Variants in KCNH7 observed in about 807,000 individuals in gnomAD.
KCNH7 encodes the protein potassium voltage-gated channel subfamily H member 7.
A neutral mutation model predicts 120.8 loss-of-function variants in KCNH7; 49 were observed. The ratio of observed to expected loss-of-function variants is 0.41; its 90% CI spans 0.32 to 0.51. KCNH7 has a LOEUF of 0.51. Among genes scored for constraint, KCNH7 ranks in the 20% least tolerant of loss-of-function variants. KCNH7 has a pLI of 0.38. For missense variants in KCNH7, 1,097 were observed against 1,446.6 expected (o/e 0.76, Z 3.92); for synonymous variants, 547 against 516.1 (o/e 1.06, Z -0.81).
chr2:162,519,367 A>G (rs936985867), intron 3 of KCNH7, among the ~76,000 whole-genome samples: 1 of 151,880 alleles, frequency 6.6e-6, no homozygotes, highest in African/African-American at 2.4e-5. Flanking sequence ...GTTAAGTAAA[A>G]AAAGCAAGTT....
At chr2:162,425,837 G>A (rs1478638309) in intron 8 of KCNH7, among the ~76,000 whole-genome samples, 2 of 152,052 alleles carry the variant, frequency 1.3e-5, no homozygotes, top group Non-Finnish European at 2.9e-5. Flanking sequence ...CAAAATGTTA[G>A]TTTAGGTCAT....
At chr2:162,395,000 C>T (rs1286502373) in intron 11 of KCNH7, among the ~76,000 whole-genome samples, 3 of 151,776 alleles carry the variant, frequency 2.0e-5, no homozygotes, top group Non-Finnish European at 2.9e-5. Context: ...TCTACTCCCA[C>T]TTAATTAATG....
chr2:162,464,299 GCTGATATTATA>G (rs1391396722), intron 6 of KCNH7, among the ~76,000 whole-genome samples: 1 of 151,762 alleles, frequency 6.6e-6, no homozygotes, highest in African/African-American at 2.4e-5. Context: ...TTCCATTTTG[GCTGATATTATA>G]CTATATATCT....
At chr2:162,569,767 C>G (rs1233707455) in intron 2 of KCNH7, among the ~76,000 whole-genome samples, 1 of 150,578 alleles carries the variant, frequency 6.6e-6, no homozygotes, top group Admixed American at 6.7e-5. Flanking sequence ...ATCTTTATTT[C>G]TGCCTTCATT....
chr2:162,602,740 C>T (rs1038270148), intron 2 of KCNH7, among the ~76,000 whole-genome samples: 2 of 151,582 alleles, frequency 1.3e-5, no homozygotes, highest in African/African-American at 4.9e-5. Context: ...TTATATTGAA[C>T]TGTGGTTTTG....
intron 12 of KCNH7, among the ~76,000 whole-genome samples, chr2:162,385,563 A>T (rs193150955): frequency 3.0e-4 from 46 of 152,028 alleles, no homozygotes; most frequent in Non-Finnish European, 4.9e-4. Context: ...GGTAGTGCAT[A>T]TTGGCTGTTT....
At chr2:162,746,305 T>A (rs557719841) in intron 2 of KCNH7, among the ~76,000 whole-genome samples, 22 of 152,272 alleles carry the variant, frequency 1.4e-4, no homozygotes, top group Admixed American at 4.6e-4. Flanking sequence ...AAATAGTAAT[T>A]TGTCATTATA....
At chr2:162,665,422 G>C (rs1685100199) in intron 2 of KCNH7, among the ~76,000 whole-genome samples, 2 of 151,970 alleles carry the variant, frequency 1.3e-5, no homozygotes, top group African/African-American at 4.8e-5. Flanking sequence ...TAGACTCTAA[G>C]AACACAAGAT....
intron 2 of KCNH7, among the ~76,000 whole-genome samples, chr2:162,598,752 A>C (rs527514733): frequency 6.6e-6 from 1 of 152,266 alleles, no homozygotes; most frequent in East Asian, 1.9e-4. Flanking sequence ...ATATAGTATA[A>C]AAGGTTTCAC....
chr2:162,425,121 C>G (rs1687816414), intron 8 of KCNH7, among the ~76,000 whole-genome samples: 1 of 152,040 alleles, frequency 6.6e-6, no homozygotes, highest in Non-Finnish European at 1.5e-5. Context: ...TCAGTCTACT[C>G]CAGCCTTTGG....
Position 162,744,666 on chromosome 2 carries a change from G to A in KCNH7, c.307+91871C>T, listed in dbSNP as rs576917776. Among the ~76,000 whole-genome samples, 35 of 149,462 alleles carry A rather than the reference G, an allele frequency of 2.3e-4. No individual in the cohort carries two copies. The East Asian group carries it at 5.6e-3, about 24-fold the overall frequency. ...CCGCTTACTGCAAGCTTCGCCTCTC[G>A]GGTTCACGCCATTCTCCTGCCTCAG... On this transcript the variant is annotated intron_variant, in intron 2 of 15. Transcript: ENST00000332142.
chr2:162,726,042 A>C (rs1467955141), intron 2 of KCNH7, among the ~76,000 whole-genome samples: 1 of 152,186 alleles, frequency 6.6e-6, no homozygotes, highest in African/African-American at 2.4e-5. Flanking sequence ...TTTTTAAAAA[A>C]TTGTTTAAAT....
At chr2:162,776,218 C>G (rs555152843) in intron 2 of KCNH7, among the ~76,000 whole-genome samples, 1 of 152,216 alleles carries the variant, frequency 6.6e-6, no homozygotes, top group South Asian at 2.1e-4. Flanking sequence ...CCTAGTGAAC[C>G]TTCTCTACCT....
At chr2:162,488,337 T>A in intron 6 of KCNH7, among the ~76,000 whole-genome samples, 1 of 152,158 alleles carries the variant, frequency 6.6e-6, no homozygotes, top group East Asian at 1.9e-4. Context: ...GATATGATAT[T>A]TTTTTTCTTC....
At chr2:162,545,435 A>G (rs1381743289) in intron 2 of KCNH7, among the ~76,000 whole-genome samples, 1 of 152,118 alleles carries the variant, frequency 6.6e-6, no homozygotes, top group Non-Finnish European at 1.5e-5. Context: ...GGAGGAAAGT[A>G]AATATCAAAG....
intron 2 of KCNH7, among the ~76,000 whole-genome samples, chr2:162,776,792 T>C (rs769222282): frequency 6.6e-6 from 1 of 152,180 alleles, no homozygotes; most frequent in Non-Finnish European, 1.5e-5. Context: ...CCTGAGATAT[T>C]AGGTATATTT....
chr2:162,613,937 C>A (rs1683055551), intron 2 of KCNH7, among the ~76,000 whole-genome samples: 1 of 149,380 alleles, frequency 6.7e-6, no homozygotes. Context: ...TTAAATAATC[C>A]TTCCCCAAAG....
chr2:162,422,193 CACACACAGCTATGAT>C (rs1456765634), intron 9 of KCNH7, among the ~76,000 whole-genome samples: 1 of 152,096 alleles, frequency 6.6e-6, no homozygotes, highest in Non-Finnish European at 1.5e-5. Context: ...TCAAATACAT[CACACACAGCTATGAT>C]AAACTTATCC....
chr2:162,640,463 C>A (rs1178186031), intron 2 of KCNH7, among the ~76,000 whole-genome samples: 3 of 151,502 alleles, frequency 2.0e-5, no homozygotes, highest in Non-Finnish European at 4.4e-5. Context: ...ACCTTTTTCA[C>A]CAAATGAAGT....
Sources: allele counts gnomAD v4.1 joint callset (sites outside exome capture counted in the v4.1 genomes callset), GRCh38; gene constraint gnomAD v4.1.1; transcripts MANE v1.5; gene names NCBI Gene and HGNC (gene_info 2026-07-23, HGNC 2026-07-21).